ZDHHC22: variants seen among roughly 807,000 people sequenced by gnomAD.
ZDHHC22 encodes the protein zDHHC palmitoyltransferase 22.
A neutral mutation model predicts 17.0 loss-of-function variants in ZDHHC22; 13 were observed. The observed-to-expected ratio is 0.76, with a 90% CI of 0.50 to 1.21. The LOEUF (loss-of-function observed/expected upper bound fraction) is 1.21. Among genes scored for constraint, ZDHHC22 ranks in the 50% most tolerant of loss-of-function variants. The pLI is 0.00. For synonymous variants in ZDHHC22, 138 were observed against 154.7 expected (o/e 0.89, Z 0.80); for missense variants, 319 against 342.3 (o/e 0.93, Z 0.54).
chr14:77,141,413 A>G, intron 1 of ZDHHC22, 190 bp downstream of exon 1: 1 of 152,564 alleles, frequency 6.6e-6, no homozygotes, highest in Non-Finnish European at 1.5e-5. Context: ...GGGTGTAGGG[A>G]GCTGTCCGTT....
At position 77,135,473 on chromosome 14, in the gene ZDHHC22, ATT is replaced by A. The variant is rs35783518; in HGVS notation, c.527-1527_527-1526del. Among the ~76,000 whole-genome samples the A allele has an allele frequency of 2.3e-3, 344 of 148,360 alleles. 1 individual carries two copies. Among genetic ancestry groups the A allele is most frequent in the Middle Eastern group, 0.01 (3 of 286 alleles). ...CCCTAGGAGCTTGGATAGCTGTATTATTTTTTTTTTTTTTTACAAAGCTGGGG... is the reference window on the plus strand; with the variant it reads ...CCCTAGGAGCTTGGATAGCTGTATTATTTTTTTTTTTTTACAAAGCTGGGG... On this transcript the variant is annotated intron_variant, in intron 2 of 2. Transcript: ENST00000319374.
rs1370070243 is a variant in ZDHHC22, at chr14:77,131,487, C to T, written c.*2196G>A. The T allele has an allele frequency of 1.3e-5, 2 of 152,242 alleles. No individual in the cohort carries two copies. 9.4% of individuals were successfully genotyped at this position (152,242 alleles called of 1,614,324 possible). A position where few individuals can be genotyped will look rare whatever the true frequency, so the allele number is the denominator to read the frequency against. On this transcript the variant is annotated 3_prime_UTR_variant, in exon 3 of 3. Coordinates refer to ENST00000319374, the MANE Select transcript of ZDHHC22 (RefSeq NM_174976.2). ...CTTCAGGAGGCTGGAAATAGCAGGG[C>T]TGGCTTCTAAGCTTGAGCTCTGGAG...
At position 77,139,504 on chromosome 14, in the gene ZDHHC22, A is replaced by G; in HGVS notation, c.235T>C (p.Cys79Arg). 6.2e-7 allele frequency: 1 copy of G among 1,612,150 alleles called. No homozygotes were observed. The highest frequency in any genetic ancestry group is 1.1e-5 in the South Asian group (1 of 90,518). ...IQNSPDDLGACQGASARKTPC... is the reference protein window; with the variant it reads ...IQNSPDDLGARQGASARKTPC... Reference sequence around the variant, plus strand: ...GTCTTCCTGGCCGAGGCCCCCTGGCAGGCCCCCAGGTCGTCTGGGGAGTTC... The same window carrying G: ...GTCTTCCTGGCCGAGGCCCCCTGGCGGGCCCCCAGGTCGTCTGGGGAGTTC... Residue 79 changes from cysteine (C) to arginine (R), a missense_variant, in exon 2 of 3, where the codon TGC becomes CGC. By Grantham distance (180) the Cys-to-Arg change is radical. Transcript: ENST00000319374.
At position 77,139,507 on chromosome 14, in the gene ZDHHC22, C is replaced by T. The variant is rs1271694359; in HGVS notation, c.232G>A (p.Ala78Thr). ...TTCCTGGCCGAGGCCCCCTGGCAGG[C>T]CCCCAGGTCGTCTGGGGAGTTCTGG... Reference protein sequence around the residue: ...VIQNSPDDLGACQGASARKTP... With the variant: ...VIQNSPDDLGTCQGASARKTP... The change falls in exon 2 of 3, where the codon GCC (alanine) becomes ACC (threonine). Residue 78 changes from alanine to threonine, a missense_variant. By Grantham distance (58) the Ala-to-Thr change is moderately conservative. Transcript: ENST00000319374. 14 of 1,611,930 alleles carry T rather than the reference C, an allele frequency of 8.7e-6. No individual in the cohort carries two copies. The highest frequency in any genetic ancestry group is 1.1e-5 in the Non-Finnish European group (13 of 1,179,144).
rs1887038505 is a variant in ZDHHC22 at position 77,132,118 on chromosome 14, G to C, written c.*1565C>G. On this transcript the variant is annotated 3_prime_UTR_variant, in exon 3 of 3. Transcript: ENST00000319374. ...GGGACCCAGTCAGGAGGGGGCACTT[G>C]TGTTGTCCCTACTCCCTTATATGCC... 6.6e-6 allele frequency: 1 copy of C among 152,274 alleles called. No homozygotes were observed. Among genetic ancestry groups the C allele is most frequent in the Admixed American group, 6.5e-5 (1 of 15,282 alleles). The allele number at this position is 152,274 out of a possible 1,614,324, so 9.4% of individuals were successfully genotyped here. A position where few individuals can be genotyped will look rare whatever the true frequency, so the allele number is the denominator to read the frequency against.
At chr14:77,134,243 G>A (rs1887093476) in intron 2 of ZDHHC22, among the ~76,000 whole-genome samples, 1 of 152,218 alleles carries the variant, frequency 6.6e-6, no homozygotes, top group Non-Finnish European at 1.5e-5. Context: ...TCCTGGGGCA[G>A]CACCTGGCCG....
At position 77,139,364 on chromosome 14, in the gene ZDHHC22, G is replaced by A. The variant is rs763879109; in HGVS notation, c.375C>T (p.Asn125=). ...GNCIGSRNMR[N]FVLFCLYTSL... ...AGGTGTAGAGGCAGAACAGGACGAA[G>A]TTGCGCATGTTCCTGCTGCCGATGC... The change falls in exon 2 of 3, where the codon AAC becomes AAT. Residue 125 remains asparagine, a synonymous_variant. Transcript: ENST00000319374. 6 of 1,602,690 alleles carry A rather than the reference G, an allele frequency of 3.7e-6. No individual in the cohort carries two copies. The South Asian group carries it at 5.6e-5, about 15-fold the overall frequency.
At chr14:77,141,569 C>T in intron 1 of ZDHHC22, 34 bp downstream of exon 1, 1 of 154,530 alleles carries the variant, frequency 6.5e-6, no homozygotes, top group Non-Finnish European at 1.4e-5. Flanking sequence ...CGCCGCACTG[C>T]CGCCGTCGCA....
Position 77,139,584 on chromosome 14 carries a change from G to A in ZDHHC22, c.155C>T (p.Ala52Val). 4 of 1,595,320 alleles carry A rather than the reference G, an allele frequency of 2.5e-6. No individual in the cohort carries two copies. Among genetic ancestry groups the A allele is most frequent in the Non-Finnish European group, 3.4e-6 (4 of 1,170,606 alleles). ...GTTGGCCGAGAGGAATAGGAAGAGC[G>A]CCCCGTGGAGCAGGGCGGGCGAGAA... Reference protein sequence around the residue: ...RLFSPALLHGALFLFLSANAL... With the variant: ...RLFSPALLHGVLFLFLSANAL... The change falls in exon 2 of 3, where the codon GCG becomes GTG. Residue 52 changes from alanine (A) to valine (V), a missense_variant. Coordinates refer to ENST00000319374, the MANE Select transcript of ZDHHC22 (RefSeq NM_174976.2).
Position 77,139,554 on chromosome 14 carries a change from A to C in ZDHHC22, c.185T>G (p.Leu62Arg). The change falls in exon 2 of 3, where the codon CTG becomes CGG. Residue 62 changes from leucine (L) to arginine (R), a missense_variant. Coordinates refer to ENST00000319374, the MANE Select transcript of ZDHHC22 (RefSeq NM_174976.2). ...ALFLFLSANA[L>R]GNYVLVIQNS... is the part of the protein sequence containing the mutation. ...CTGGATGACAAGGACGTAATTGCCC[A>C]GGGCGTTGGCCGAGAGGAATAGGAA... The C allele has an allele frequency of 6.2e-7, 1 of 1,605,804 alleles. No individual in the cohort carries two copies. Among genetic ancestry groups the C allele is most frequent in the Non-Finnish European group, 8.5e-7 (1 of 1,176,150 alleles).
At chr14:77,139,806 C>G in intron 1 of ZDHHC22, 54 bp from the exon 2 acceptor site, 1 of 1,433,410 alleles carries the variant, frequency 7.0e-7, no homozygotes, top group Non-Finnish European at 9.2e-7. Flanking sequence ...CCAGGGGGCG[C>G]CCTCGCCCGC....
rs1887024578 is a variant in ZDHHC22, at chr14:77,131,407, C to G, written c.*2276G>C. 6.6e-6 allele frequency: 1 copy of G among 152,260 alleles called. No individual in the cohort carries two copies. The highest frequency in any genetic ancestry group is 2.4e-5 in the African/African-American group (1 of 41,444). The allele number at this position is 152,260 out of a possible 1,614,324, so 9.4% of individuals were successfully genotyped here. ...TGACCAGTCTGCAAGCAGCCAACAT[C>G]CTGTAGGTCTCCCTGTTGCCCTTCC... On this transcript the variant is annotated 3_prime_UTR_variant, in exon 3 of 3. Coordinates refer to ENST00000319374, the MANE Select transcript of ZDHHC22 (RefSeq NM_174976.2).
chr14:77,142,158 G>C (rs1759309128), upstream of ZDHHC22: 1 of 152,336 alleles, frequency 6.6e-6, no homozygotes, highest in Non-Finnish European at 1.5e-5. Flanking sequence ...GTGTACAGAG[G>C]GTTGGGAGTT....
rs1423094977 is a variant in ZDHHC22 at position 77,140,680 on chromosome 14, C to T, written c.-15+923G>A. 1 of 152,212 alleles carries T rather than the reference C, an allele frequency of 6.6e-6. No individual in the cohort carries two copies. The highest frequency in any genetic ancestry group is 1.9e-4 in the East Asian group (1 of 5,160). The allele number at this position is 152,212 out of a possible 1,614,324, so 9.4% of individuals were successfully genotyped here. On this transcript the variant is annotated intron_variant, in intron 1 of 2. Coordinates refer to ENST00000319374, the MANE Select transcript of ZDHHC22 (RefSeq NM_174976.2). The surrounding 1 kb of genome is among the most constrained non-coding windows in gnomAD (Gnocchi z 5.9). ...CCTCCCGCCCTCCTGCTGAGAGAAA[C>T]CCAAACAACCCTCATGGCGCCGAAA...
intron 2 of ZDHHC22, among the ~76,000 whole-genome samples, chr14:77,136,304 T>C (rs914272244): frequency 6.6e-6 from 1 of 152,228 alleles, no homozygotes; most frequent in African/African-American, 2.4e-5. Context: ...GAGTCTTTGG[T>C]TTCTGAGCCT....
At chr14:77,134,530 G>A (rs1378836705) in intron 2 of ZDHHC22, among the ~76,000 whole-genome samples, 2 of 152,148 alleles carry the variant, frequency 1.3e-5, no homozygotes, top group East Asian at 1.9e-4. Context: ...GAACACCAAC[G>A]TAGAGAATAA....
chr14:77,137,107 G>C (rs1316864215), intron 2 of ZDHHC22, among the ~76,000 whole-genome samples: 1 of 152,132 alleles, frequency 6.6e-6, no homozygotes, highest in Non-Finnish European at 1.5e-5. Context: ...TGAGGGTTGG[G>C]GAACAAGAGG....
At chr14:77,141,877 A>C (rs1041850568), upstream of ZDHHC22, 6 of 152,386 alleles carry the variant, frequency 3.9e-5, no homozygotes, top group African/African-American at 1.4e-4. Flanking sequence ...TCTGGCCGCC[A>C]GTCTCAGCAT....
At chr14:77,141,528 A>C (rs1002382391) in intron 1 of ZDHHC22, 75 bp downstream of exon 1, 23 of 154,254 alleles carry the variant, frequency 1.5e-4, no homozygotes, top group African/African-American at 5.1e-4. Context: ...TGCCTCCCGG[A>C]CGCACGGGAA....
Sources: gnomAD v4.1 joint callset for allele counts (sites outside exome capture counted in the v4.1 genomes callset) on GRCh38, gnomAD v4.1.1 for gene constraint, Gnocchi (gnomAD v3.1) non-coding constraint, MANE v1.5 for transcripts, NCBI Gene and HGNC (gene_info 2026-07-23, HGNC 2026-07-21) for gene names.